The following IQSEC3 variants were observed in gnomAD, a reference collection of about 807,000 sequenced individuals.
IQSEC3 encodes IQ motif and Sec7 domain ArfGEF 3.
In IQSEC3, 50 loss-of-function variants were observed where a neutral mutation model predicts 105.4. That is an observed-to-expected ratio of 0.47 (90% CI 0.38 to 0.60). The LOEUF is 0.60. Ranked by LOEUF, IQSEC3 falls within the 20% of genes least tolerant of loss-of-function variation. The pLI is 0.00. For missense variants in IQSEC3, 1,415 were observed against 1,630.0 expected, an observed-to-expected ratio of 0.87 and a Z score of 2.27; for synonymous variants, 708 against 746.0, an observed-to-expected ratio of 0.95 and a Z score of 0.83.
chr12:130,215 G>A (rs1366816644), intron 3 of IQSEC3, among the ~76,000 whole-genome samples: 1 of 152,182 alleles, frequency 6.6e-6, no homozygotes, highest in East Asian at 1.9e-4. Flanking sequence ...GCCCAGTGGT[G>A]GGCAGACACG....
chr12:158,409 G>T (rs1866773111), intron 7 of IQSEC3, among the ~76,000 whole-genome samples: 2 of 152,066 alleles, frequency 1.3e-5, no homozygotes, highest in African/African-American at 4.8e-5. Context: ...CTGGCATAAA[G>T]TCCAGACTGT....
At chr12:100,242 T>C (rs559427411) in intron 2 of IQSEC3, among the ~76,000 whole-genome samples, 75 of 152,260 alleles carry the variant, frequency 4.9e-4, no homozygotes, top group Admixed American at 1.7e-3. Flanking sequence ...TGGGCAGGTC[T>C]TCTTGTCCCT....
chr12:172,093 G>A (rs782282885), intron 13 of IQSEC3, among the ~76,000 whole-genome samples: 19 of 152,138 alleles, frequency 1.2e-4, no homozygotes, highest in African/African-American at 2.4e-4. Flanking sequence ...ACCTCCCTTC[G>A]CAACCCTAAC....
At chr12:109,203 T>G (rs904788327) in intron 2 of IQSEC3, among the ~76,000 whole-genome samples, 8 of 152,234 alleles carry the variant, frequency 5.3e-5, no homozygotes, top group African/African-American at 1.9e-4. Context: ...AAAGTCAGAA[T>G]TCTGGCCTCT....
At chr12:124,097 A>T (rs1297175165) in intron 2 of IQSEC3, among the ~76,000 whole-genome samples, 1 of 152,108 alleles carries the variant, frequency 6.6e-6, no homozygotes, top group African/African-American at 2.4e-5. Flanking sequence ...ATAAGAGTTT[A>T]TTTACTGGGC....
At position 165,475 on chromosome 12, in the gene IQSEC3, C is replaced by T. The variant is rs916435956; in HGVS notation, c.2751C>T (p.Tyr917=). 3.1e-6 allele frequency: 5 copies of T among 1,614,070 alleles called. No homozygotes were observed. The African/African-American group carries it at 4.0e-5, about 13-fold the overall frequency. The change falls in exon 10 of 14, where the codon TAC becomes TAT. Residue 917 remains tyrosine, a synonymous_variant. Transcript: ENST00000538872. ...LCPKKKSSST[Y]TFCKSVGLLG... Reference sequence around the variant, plus strand: ...CGAAGAAGAAGAGCTCCTCCACGTACACCTTTTGCAAGTCAGTTGGCCTGC... The same window carrying T: ...CGAAGAAGAAGAGCTCCTCCACGTATACCTTTTGCAAGTCAGTTGGCCTGC...
At chr12:74,989 C>G (rs1481793473) in intron 1 of IQSEC3, among the ~76,000 whole-genome samples, 2 of 152,272 alleles carry the variant, frequency 1.3e-5, no homozygotes, top group Non-Finnish European at 2.9e-5. Context: ...GCCAAACTTA[C>G]AGCTAGTCCC....
chr12:81,998 G>A lies in IQSEC3; in HGVS notation c.554+14562G>A, dbSNP rs1001536433. 7.9e-5 allele frequency among the ~76,000 whole-genome samples: 12 copies of A among 152,310 alleles called. 1 individual carries two copies. In the South Asian group the frequency reaches 2.5e-3, roughly 32 times the overall value. On this transcript the variant is annotated intron_variant, in intron 1 of 13. Coordinates refer to ENST00000538872, the MANE Select transcript of IQSEC3 (RefSeq NM_001170738.2). ...GACCTTGAAAAGCATAGTCTTGGGA[G>A]TGGATTTGGAGGCTTGATTAGTGGG...
intron 3 of IQSEC3, among the ~76,000 whole-genome samples, chr12:128,022 A>G (rs1477233604): frequency 2.0e-5 from 3 of 151,990 alleles, no homozygotes; most frequent in Admixed American, 1.3e-4. Flanking sequence ...GCTGCCTCCT[A>G]TGTCTGGGAC....
chr12:91,665 A>G (rs1864089802), intron 1 of IQSEC3, among the ~76,000 whole-genome samples: 1 of 152,160 alleles, frequency 6.6e-6, no homozygotes, highest in African/African-American at 2.4e-5. Context: ...TGTGGTCCCA[A>G]CTACTTGGGA....
intron 1 of IQSEC3, among the ~76,000 whole-genome samples, chr12:97,201 T>C (rs1864266503): frequency 6.6e-6 from 1 of 152,246 alleles, no homozygotes; most frequent in South Asian, 2.1e-4. Flanking sequence ...TTTTTTCTGC[T>C]GGGTTTGTCT....
chr12:156,131 T>C (rs1866675853), intron 5 of IQSEC3, among the ~76,000 whole-genome samples: 1 of 152,086 alleles, frequency 6.6e-6, no homozygotes, highest in Non-Finnish European at 1.5e-5. Flanking sequence ...AGGCGCCTGC[T>C]TAGCTGGGGG....
chr12:151,012 C>A (rs1866488162), intron 5 of IQSEC3, among the ~76,000 whole-genome samples: 2 of 148,564 alleles, frequency 1.3e-5, no homozygotes, highest in African/African-American at 2.5e-5. Flanking sequence ...CTCCAGGCCC[C>A]TGGGTGCTCC....
At chr12:71,200 G>A (rs1228750554) in intron 1 of IQSEC3, among the ~76,000 whole-genome samples, 3 of 152,272 alleles carry the variant, frequency 2.0e-5, no homozygotes, top group African/African-American at 7.2e-5. Flanking sequence ...TGGGAACTGG[G>A]ATCTCTGCTC....
chr12:73,477 C>T (rs1166016600), intron 1 of IQSEC3, among the ~76,000 whole-genome samples: 2 of 152,186 alleles, frequency 1.3e-5, no homozygotes, highest in African/African-American at 2.4e-5. Context: ...AGTTTGAGAC[C>T]AGCCTGGCCA....
chr12:112,881 T>G (rs980174523), intron 2 of IQSEC3, among the ~76,000 whole-genome samples: 1 of 152,098 alleles, frequency 6.6e-6, no homozygotes, highest in Non-Finnish European at 1.5e-5. Flanking sequence ...TTTCCTACAT[T>G]TCACTTATTA....
rs74330940 is a variant in IQSEC3 at position 133,415 on chromosome 12, G to A, written c.904-4852G>A. Among the ~76,000 whole-genome samples the A allele has an allele frequency of 2.7e-4, 41 of 152,386 alleles. No individual in the cohort carries two copies. The East Asian group carries it at 6.5e-3, about 24-fold the overall frequency. On this transcript the variant is annotated intron_variant, in intron 3 of 13. Coordinates refer to ENST00000538872, the MANE Select transcript of IQSEC3 (RefSeq NM_001170738.2). ...ACAACCAGGATAGACTGAGTCATGA[G>A]CACTGGGGAGAGTTGCAGAAAGGAG...
At position 125,646 on chromosome 12, in the gene IQSEC3, A is replaced by G; in HGVS notation, c.637A>G (p.Thr213Ala). The G allele has an allele frequency of 6.6e-7, 1 of 1,520,538 alleles. No individual in the cohort carries two copies. The highest frequency in any genetic ancestry group is 8.7e-7 in the Non-Finnish European group (1 of 1,146,272). The allele number at this position is 1,520,538 out of a possible 1,614,324, so 94.2% of individuals were successfully genotyped here. A position where few individuals can be genotyped will look rare whatever the true frequency, so the allele number is the denominator to read the frequency against. ...DLASQSDGSC[T>A]QAGGGMEDSV... ...TTCTGTTCACAGTGATGGCTCCTGCACCCAGGCCGGTGGGGGCATGGAGGA... is the reference window on the plus strand; with the variant it reads ...TTCTGTTCACAGTGATGGCTCCTGCGCCCAGGCCGGTGGGGGCATGGAGGA... The change falls in exon 3 of 14, where the codon ACC becomes GCC. Residue 213 changes from threonine (T) to alanine (A), a missense_variant. This residue lies in a region of IQSEC3 where 720 missense variants were observed against 633.0 expected (regional missense o/e 1.14). Coordinates refer to ENST00000538872, the MANE Select transcript of IQSEC3 (RefSeq NM_001170738.2).
At chr12:71,025 A>C (rs1224063779) in intron 1 of IQSEC3, among the ~76,000 whole-genome samples, 1 of 152,220 alleles carries the variant, frequency 6.6e-6, no homozygotes, top group African/African-American at 2.4e-5. Flanking sequence ...TCCTTCTTCC[A>C]CATAAGCTAC....
Sources: allele counts gnomAD v4.1 joint callset (sites outside exome capture counted in the v4.1 genomes callset), GRCh38; gene constraint gnomAD v4.1.1; regional missense constraint gnomAD v4.1.1; transcripts MANE v1.5; gene names NCBI Gene and HGNC (gene_info 2026-07-23, HGNC 2026-07-21).